TIMM8A: variants seen among roughly 807,000 people sequenced by gnomAD.
TIMM8A encodes the protein translocase of inner mitochondrial membrane 8A.
A neutral mutation model predicts 6.8 loss-of-function variants in TIMM8A; 2 were observed. The observed-to-expected ratio is 0.30, with a 90% CI of 0.12 to 0.93. TIMM8A has a LOEUF of 0.93. Ranked by LOEUF, TIMM8A falls within the 40% of genes least tolerant of loss-of-function variation. The pLI, the probability that TIMM8A is intolerant of heterozygous loss-of-function variation, is 0.55. For missense variants in TIMM8A, 34 were observed against 75.2 expected, an observed-to-expected ratio of 0.45 and a Z score of 2.02; for synonymous variants, 26 against 28.5, an observed-to-expected ratio of 0.91 and a Z score of 0.28.
intron 1 of TIMM8A, 110 bp from the exon 2 acceptor site, chrX:101,346,770 A>G: frequency 1.3e-6 from 1 of 760,542 alleles, no homozygotes; most frequent in Non-Finnish European, 1.9e-6. Context: ...ACCTAAAAAT[A>G]ATATCTGATA....
intron 1 of TIMM8A, chrX:101,348,076 G>A: frequency 5.0e-6 from 5 of 1,001,446 alleles, no homozygotes; most frequent in Non-Finnish European, 6.3e-6. Context: ...TAGTTACTGG[G>A]CTGGAGCCAC....
chrX:101,347,523 T>A (rs1319686985), intron 1 of TIMM8A: 1 of 111,433 alleles, frequency 9.0e-6, no homozygotes, highest in Non-Finnish European at 1.9e-5. Context: ...CCCAAAGTGC[T>A]GGGATTACAG....
In TIMM8A at chrX:101,346,476, T is replaced by C; in HGVS notation, c.*23A>G. ...TCTTCATTTCTTGAACTACCTTCCT[T>C]TTCCAAAGAGGTAATGCTGAGATCA... is the stretch of plus-strand genomic sequence containing the variant. On this transcript the variant is annotated 3_prime_UTR_variant, in exon 2 of 2. Coordinates refer to ENST00000372902, the MANE Select transcript of TIMM8A (RefSeq NM_004085.4). The C allele has an allele frequency of 8.3e-7, 1 of 1,210,365 alleles. No individual in the cohort carries two copies. The highest frequency in any genetic ancestry group is 1.1e-6 in the Non-Finnish European group (1 of 895,444).
Position 101,346,407 on chromosome X carries a change from G to C in TIMM8A, c.*92C>G. ...GTCCCAAGAGTAACAAAAGATGGGAGCCAATCCTCTCATAGCTGTTTCTTC... is the reference window on the plus strand; with the variant it reads ...GTCCCAAGAGTAACAAAAGATGGGACCCAATCCTCTCATAGCTGTTTCTTC... On this transcript the variant is annotated 3_prime_UTR_variant, in exon 2 of 2. Coordinates refer to ENST00000372902, the MANE Select transcript of TIMM8A (RefSeq NM_004085.4). The C allele has an allele frequency of 8.3e-7, 1 of 1,208,478 alleles. No homozygotes were observed. The highest frequency in any genetic ancestry group is 1.1e-6 in the Non-Finnish European group (1 of 894,296).
Position 101,348,700 on chromosome X carries a change from A to G in TIMM8A, c.-36T>C, listed in dbSNP as rs1380108671. 8.3e-7 allele frequency: 1 copy of G among 1,204,015 alleles called. No homozygotes were observed. Among genetic ancestry groups the G allele is most frequent in the Non-Finnish European group, 1.1e-6 (1 of 892,339 alleles). On this transcript the variant is annotated 5_prime_UTR_variant, in exon 1 of 2. Transcript: ENST00000372902. ...CCAAGCTTGCAGAGACGAACTCCGC[A>G]CCGACCTTCACGTGTCTCCGCGACG...
intron 1 of TIMM8A, chrX:101,347,950 C>T (rs893847729): frequency 9.7e-6 from 7 of 721,149 alleles, no homozygotes; most frequent in Non-Finnish European, 1.2e-5. Flanking sequence ...GCCAAAGTCC[C>T]CTCACAGGGC....
Position 101,346,259 on chromosome X carries a change from TAG to T in TIMM8A, c.*238_*239del, listed in dbSNP as rs1411362514. The T allele has an allele frequency of 8.6e-6, 9 of 1,049,300 alleles. No homozygotes were observed. The highest frequency in any genetic ancestry group is 7.7e-5 in the African/African-American group (4 of 52,265). The allele number at this position is 1,049,300 out of a possible 1,213,427, so 86.5% of individuals were successfully genotyped here. A position where few individuals can be genotyped will look rare whatever the true frequency, so the allele number is the denominator to read the frequency against. On this transcript the variant is annotated 3_prime_UTR_variant, in exon 2 of 2. Transcript: ENST00000372902. ...CCATGTACAGTAATATGCATCTAAA[TAG>T]AGTTTTCTTTCGCCTGTCAATTATT...
Position 101,348,273 on chromosome X carries a change from G to C in TIMM8A, c.132+260C>G, listed in dbSNP as rs1426333376. 7 of 1,156,255 alleles carry C rather than the reference G, an allele frequency of 6.1e-6. No individual in the cohort carries two copies. In the African/African-American group the frequency reaches 9.0e-5, roughly 15 times the overall value. On this transcript the variant is annotated intron_variant, in intron 1 of 1. Coordinates refer to ENST00000372902, the MANE Select transcript of TIMM8A (RefSeq NM_004085.4). ...CAGCTTCAACCTCGGGTGCCTGAAA[G>C]TGCTGGGTGTCCAGTGGCATAAGTC...
chrX:101,346,231 G>T lies in TIMM8A; in HGVS notation c.*268C>A. 1 of 986,218 alleles carries T rather than the reference G, an allele frequency of 1.0e-6. No homozygotes were observed. The highest frequency in any genetic ancestry group is 4.5e-5 in the East Asian group (1 of 22,077). 81.3% of individuals were successfully genotyped at this position (986,218 alleles called of 1,213,427 possible). On this transcript the variant is annotated 3_prime_UTR_variant, in exon 2 of 2. Transcript: ENST00000372902. ...TTAATGGGGCTTTGAGAAAAGCATA[G>T]TCCCATGTACAGTAATATGCATCTA...
chrX:101,348,188 C>A, intron 1 of TIMM8A: 1 of 1,090,946 alleles, frequency 9.2e-7, no homozygotes, highest in Non-Finnish European at 1.2e-6. Context: ...GGGACTCGGG[C>A]TGCCAAAAAT....
rs1555976077 is a variant in TIMM8A at position 101,346,344 on chromosome X, C to G, written c.*155G>C. 1 of 1,170,384 alleles carries G rather than the reference C, an allele frequency of 8.5e-7. No homozygotes were observed. Among genetic ancestry groups the G allele is most frequent in the African/African-American group, 1.8e-5 (1 of 56,016 alleles). ...ACATATGACCCTTAAGCTTCACACA[C>G]AAAAAATTGGTCTTTGTTCATTCTC... On this transcript the variant is annotated 3_prime_UTR_variant, in exon 2 of 2. Coordinates refer to ENST00000372902, the MANE Select transcript of TIMM8A (RefSeq NM_004085.4).
intron 1 of TIMM8A, chrX:101,348,184 C>T (rs1289492181): frequency 9.2e-7 from 1 of 1,087,864 alleles, no homozygotes; most frequent in Non-Finnish European, 1.2e-6. Flanking sequence ...CTCTGGGACT[C>T]GGGCTGCCAA....
At chrX:101,348,184 CG>C in intron 1 of TIMM8A, 3 of 1,089,733 alleles carry the variant, frequency 2.8e-6, no homozygotes, top group Non-Finnish European at 3.6e-6. Context: ...CTCTGGGACT[CG>C]GGCTGCCAAA....
chrX:101,347,154 T>G (rs1555976186), intron 1 of TIMM8A: 1 of 113,817 alleles, frequency 8.8e-6, no homozygotes, highest in African/African-American at 3.2e-5. Flanking sequence ...GACTTGAGAT[T>G]CTATAACCTT....
At chrX:101,346,847 A>G (rs1926082003) in intron 1 of TIMM8A, 187 bp from the exon 2 acceptor site, 2 of 433,806 alleles carry the variant, frequency 4.6e-6, no homozygotes, top group Admixed American at 8.3e-5. Context: ...CTTACATTAA[A>G]TTCTTACAAC....
At chrX:101,346,776 T>C (rs936533278) in intron 1 of TIMM8A, 116 bp from the exon 2 acceptor site, 43 of 730,779 alleles carry the variant, frequency 5.9e-5, no homozygotes, top group Non-Finnish European at 7.9e-5. Flanking sequence ...AAATAATATC[T>C]GATATGTTAC....
At chrX:101,348,268 T>TGAAAGTGCTGGGTGTCC in intron 1 of TIMM8A, 1 of 1,155,410 alleles carries the variant, frequency 8.7e-7, no homozygotes. Flanking sequence ...CTCGGGTGCC[T>TGAAAGTGCTGGGTGTCC]GAAAGTGCTG....
chrX:101,348,425 C>CGGGGGGGG, intron 1 of TIMM8A, 108 bp downstream of exon 1: 2 of 1,176,833 alleles, frequency 1.7e-6, no homozygotes, highest in Non-Finnish European at 2.3e-6. Context: ...GGGTTGCTGC[C>CGGGGGGGG]AGGTGCCCGC....
intron 1 of TIMM8A, chrX:101,346,987 G>T: frequency 9.3e-6 from 2 of 214,708 alleles, no homozygotes; most frequent in South Asian, 1.1e-4. Flanking sequence ...CAAGAAAATG[G>T]CAAAATATAA....
Sources: gnomAD v4.1 joint callset for allele counts on GRCh38, gnomAD v4.1.1 for gene constraint, MANE v1.5 for transcripts, NCBI Gene and HGNC (gene_info 2026-07-23, HGNC 2026-07-21) for gene names.